Variants in DUSP16 observed in about 807,000 individuals in gnomAD.
DUSP16 encodes dual specificity protein phosphatase 16.
DUSP16 carries 21 observed loss-of-function variants against 58.3 expected under a neutral mutation model. That is an observed-to-expected ratio of 0.36 (90% CI 0.26 to 0.52). The LOEUF is 0.52. Among genes scored for constraint, DUSP16 ranks in the 20% least tolerant of loss-of-function variants. The pLI is 0.94. For missense variants in DUSP16, 726 were observed against 819.0 expected (o/e 0.89, Z 1.39); for synonymous variants, 320 against 323.8 (o/e 0.99, Z 0.12).
intron 4 of DUSP16, among the ~76,000 whole-genome samples, chr12:12,498,358 G>A (rs1183509646): frequency 2.0e-5 from 3 of 151,822 alleles, no homozygotes; most frequent in African/African-American, 7.2e-5. Context: ...TGTCAACAAC[G>A]AACCTAGAGG....
intron 5 of DUSP16, among the ~76,000 whole-genome samples, chr12:12,486,399 T>C (rs1457604649): frequency 6.6e-6 from 1 of 151,524 alleles, no homozygotes; most frequent in Non-Finnish European, 1.5e-5. Context: ...AGCTCCAGAA[T>C]TGAACAAGCC....
Position 12,487,182 on chromosome 12 carries a change from C to T in DUSP16, c.537G>A (p.Leu179=). Residue 179 remains leucine (L), a synonymous_variant, in exon 5 of 7, where the codon CTG becomes CTA. Transcript: ENST00000298573. The stretch of plus-strand genomic sequence containing the variant: ...CATAACCAATCCCATTCTGCTGCAT[C>T]AGCTCCTATGGAGAGAAAGAGTAGC... The part of the protein sequence containing the change: ...GCQRDVLNKE[L]MQQNGIGYVL... The T allele has an allele frequency of 3.7e-6, 6 of 1,613,942 alleles. No individual in the cohort carries two copies. The highest frequency in any genetic ancestry group is 5.1e-6 in the Non-Finnish European group (6 of 1,179,912).
In DUSP16 at chr12:12,554,371, A is replaced by T. The variant is rs867733544; in HGVS notation, c.-366+7746T>A. On this transcript the variant is annotated intron_variant, in intron 1 of 6. Transcript: ENST00000298573. Reference sequence around the variant, plus strand: ...GCGATCCTCCCACCTCAGCCTCCCAAAGTACTGGATCATAAGAATGAACCC... The same window carrying T: ...GCGATCCTCCCACCTCAGCCTCCCATAGTACTGGATCATAAGAATGAACCC... Among the ~76,000 whole-genome samples the T allele has an allele frequency of 2.0e-5, 3 of 152,196 alleles. No homozygotes were observed. In the South Asian group the frequency reaches 6.2e-4, roughly 32 times the overall value.
intron 1 of DUSP16, among the ~76,000 whole-genome samples, chr12:12,550,445 C>T (rs1944708488): frequency 6.6e-6 from 1 of 152,150 alleles, no homozygotes; most frequent in South Asian, 2.1e-4. Context: ...TTTTCACTTT[C>T]ATTCCCTCAT....
At chr12:12,489,043 G>A (rs1023507517) in intron 4 of DUSP16, among the ~76,000 whole-genome samples, 1 of 152,166 alleles carries the variant, frequency 6.6e-6, no homozygotes, top group Non-Finnish European at 1.5e-5. Context: ...TCGCGCCATT[G>A]CACTCCAGCC....
chr12:12,516,988 G>A (rs1037493160), intron 3 of DUSP16, among the ~76,000 whole-genome samples: 1 of 152,156 alleles, frequency 6.6e-6, no homozygotes, highest in African/African-American at 2.4e-5. Context: ...TCATGACCAT[G>A]TAAGTAGGTC....
chr12:12,517,538 C>T (rs1944171795), intron 3 of DUSP16, among the ~76,000 whole-genome samples: 2 of 152,202 alleles, frequency 1.3e-5, no homozygotes, highest in Non-Finnish European at 2.9e-5. Flanking sequence ...ATGGCCAAAC[C>T]TTCTCCAATA....
At chr12:12,513,558 C>T (rs1046065964) in intron 3 of DUSP16, among the ~76,000 whole-genome samples, 1 of 152,122 alleles carries the variant, frequency 6.6e-6, no homozygotes, top group Admixed American at 6.5e-5. Flanking sequence ...TGTTATTTTC[C>T]TCATTTGTAA....
chr12:12,499,719 G>C (rs749416097), intron 4 of DUSP16, among the ~76,000 whole-genome samples: 1 of 152,184 alleles, frequency 6.6e-6, no homozygotes, highest in Non-Finnish European at 1.5e-5. Context: ...TAAGATCTCT[G>C]ACTGCTTTTT....
At chr12:12,552,572 C>T (rs1437450741) in intron 1 of DUSP16, among the ~76,000 whole-genome samples, 1 of 152,118 alleles carries the variant, frequency 6.6e-6, no homozygotes, top group Non-Finnish European at 1.5e-5. Flanking sequence ...CCGTGTGCAG[C>T]CAGGTTTTCT....
intron 1 of DUSP16, among the ~76,000 whole-genome samples, chr12:12,544,934 T>C (rs1489551734): frequency 2.6e-5 from 4 of 152,190 alleles, no homozygotes; most frequent in South Asian, 2.1e-4. Flanking sequence ...TAAATTAGTA[T>C]CTACATATAT....
chr12:12,475,647 C>G lies in DUSP16; in HGVS notation c.*1186G>C, dbSNP rs544742023. 1.3e-5 allele frequency: 2 copies of G among 152,180 alleles called. No homozygotes were observed. Among genetic ancestry groups the G allele is most frequent in the Non-Finnish European group, 2.9e-5 (2 of 68,036 alleles). The allele number at this position is 152,180 out of a possible 1,614,324, so 9.4% of individuals were successfully genotyped here. A position where few individuals can be genotyped will look rare whatever the true frequency, so the allele number is the denominator to read the frequency against. On this transcript the variant is annotated 3_prime_UTR_variant, in exon 7 of 7. Coordinates refer to ENST00000298573, the MANE Select transcript of DUSP16 (RefSeq NM_030640.3). ...TGAGGCAATCATAGAAACATCAGCC[C>G]CATCGCATGCCGAGGGGATAAAAGC...
intron 4 of DUSP16, among the ~76,000 whole-genome samples, chr12:12,494,845 T>TACTGAGAAG (rs1943807247): frequency 6.6e-6 from 1 of 152,210 alleles, no homozygotes; most frequent in South Asian, 2.1e-4. Flanking sequence ...TCAAATGCCA[T>TACTGAGAAG]ACTGAGAAGA....
intron 1 of DUSP16, among the ~76,000 whole-genome samples, chr12:12,522,609 G>A (rs2136233827): frequency 1.3e-5 from 2 of 151,744 alleles, no homozygotes; most frequent in South Asian, 4.2e-4. Context: ...TGTCACCCAG[G>A]CTGCAGTGCA....
Position 12,476,875 on chromosome 12 carries a change from C to A in DUSP16, c.1956G>T (p.Gln652His), listed in dbSNP as rs1013104273. 6.2e-7 allele frequency: 1 copy of A among 1,612,310 alleles called. No homozygotes were observed. The highest frequency in any genetic ancestry group is 1.3e-5 in the African/African-American group (1 of 74,928). ...SREELGKVGS[Q>H]SSFSGSMEII... ...TTTCCATGCTGCCCGAAAAGCTAGA[C>A]TGACTGCCCACTTTCCCCAGCTCTT... Residue 652 changes from glutamine (Q) to histidine (H), a missense_variant, in exon 7 of 7, where the codon CAG (glutamine) becomes CAT (histidine). By Grantham distance (24) the Gln-to-His change is conservative. Coordinates refer to ENST00000298573, the MANE Select transcript of DUSP16 (RefSeq NM_030640.3).
intron 1 of DUSP16, chr12:12,554,692 T>C (rs1380888448): frequency 4.6e-5 from 7 of 152,172 alleles, no homozygotes; most frequent in Non-Finnish European, 1.0e-4. Context: ...TTTTAACACA[T>C]GAAAATATTT....
chr12:12,496,009 A>G (rs144751393), intron 4 of DUSP16, among the ~76,000 whole-genome samples: 102 of 152,290 alleles, frequency 6.7e-4, no homozygotes, highest in African/African-American at 2.4e-3. Context: ...CGTGTAGGTA[A>G]AGAGACTGAG....
intron 4 of DUSP16, among the ~76,000 whole-genome samples, chr12:12,490,343 T>C (rs575063962): frequency 6.6e-6 from 1 of 152,238 alleles, no homozygotes; most frequent in African/African-American, 2.4e-5. Context: ...ACCTGAAAAT[T>C]TTTTTGGAAT....
At chr12:12,527,439 G>A (rs1057016219) in intron 1 of DUSP16, among the ~76,000 whole-genome samples, 5 of 151,900 alleles carry the variant, frequency 3.3e-5, no homozygotes, top group African/African-American at 7.3e-5. Flanking sequence ...TCTGGTATTT[G>A]GCAAATATAT....
Sources: allele counts gnomAD v4.1 joint callset (sites outside exome capture counted in the v4.1 genomes callset), GRCh38; gene constraint gnomAD v4.1.1; transcripts MANE v1.5; gene names NCBI Gene and HGNC (gene_info 2026-07-23, HGNC 2026-07-21).